ATL2: variants seen among roughly 807,000 people sequenced by gnomAD.
The protein encoded by ATL2 is atlastin GTPase 2.
ATL2 carries 31 observed loss-of-function variants against 73.9 expected under a neutral mutation model. That is an observed-to-expected ratio of 0.42 (90% CI 0.32 to 0.57). The LOEUF (loss-of-function observed/expected upper bound fraction) is 0.57, where lower values mean the gene tolerates loss of function less well. Ranked by LOEUF, ATL2 falls within the 20% of genes least tolerant of loss-of-function variation. The probability of loss-of-function intolerance (pLI) is 0.14; values close to 1 mark genes in which losing one functional copy is unlikely to be tolerated. For missense variants in ATL2, 738 were observed against 702.6 expected, an observed-to-expected ratio of 1.05 and a Z score of -0.57; for synonymous variants, 291 against 237.5, an observed-to-expected ratio of 1.23 and a Z score of -2.07.
At chr2:38,353,834 T>G (rs1007307656) in intron 1 of ATL2, among the ~76,000 whole-genome samples, 2 of 152,124 alleles carry the variant, frequency 1.3e-5, no homozygotes, top group Non-Finnish European at 2.9e-5. Context: ...AAAAGAAGTG[T>G]CAACCTAGAC....
Position 38,295,976 on chromosome 2 carries a change from C to A in ATL2, c.*18G>T, listed in dbSNP as rs1666869341. ...GCATGAAAAAAAAAGAGAGTGGAGT[C>A]CGTGAGGAGATGAACTGTCAGTCTG... On this transcript the variant is annotated 3_prime_UTR_variant, in exon 13 of 13. Transcript: ENST00000378954. 6.6e-7 allele frequency: 1 copy of A among 1,516,708 alleles called. No individual in the cohort carries two copies. The highest frequency in any genetic ancestry group is 1.2e-5 in the South Asian group (1 of 81,748). 94.0% of individuals were successfully genotyped at this position (1,516,708 alleles called of 1,614,324 possible).
chr2:38,294,763 C>G lies in ATL2; in HGVS notation c.*1231G>C, dbSNP rs1399626391. 1 of 151,966 alleles carries G rather than the reference C, an allele frequency of 6.6e-6. No individual in the cohort carries two copies. The highest frequency in any genetic ancestry group is 2.4e-5 in the African/African-American group (1 of 41,358). 9.4% of individuals were successfully genotyped at this position (151,966 alleles called of 1,614,324 possible). On this transcript the variant is annotated 3_prime_UTR_variant, in exon 13 of 13. Transcript: ENST00000378954. ...TTTTTACAAGCTTAGTTTTGAGGTA[C>G]AATGCCTTAGAGCTCTCAACTGGGG...
intron 9 of ATL2, among the ~76,000 whole-genome samples, chr2:38,307,416 T>C (rs1667511256): frequency 6.6e-6 from 1 of 151,050 alleles, no homozygotes; most frequent in South Asian, 2.1e-4. Context: ...GGCGAATTGC[T>C]TGAACCTGGG....
chr2:38,330,320 G>A lies in ATL2; in HGVS notation c.364-11301C>T, dbSNP rs144126993. On this transcript the variant is annotated intron_variant, in intron 2 of 12. Coordinates refer to ENST00000378954, the MANE Select transcript of ATL2 (RefSeq NM_001135673.4). ...AGCTAACATAGTAGTGAGAAACTAG[G>A]TGCTTTCTAGAAACTAGGTTAGAAA... Among the ~76,000 whole-genome samples the A allele has an allele frequency of 3.1e-3, 472 of 151,566 alleles. 3 individuals are homozygous for A. The highest frequency in any genetic ancestry group is 0.011 in the African/African-American group (439 of 41,308).
intron 1 of ATL2, among the ~76,000 whole-genome samples, chr2:38,369,310 C>T (rs748896224): frequency 1.3e-5 from 2 of 151,614 alleles, no homozygotes; most frequent in African/African-American, 4.8e-5. Context: ...ATTAGCTGGG[C>T]GTGGTGGCAC....
intron 1 of ATL2, chr2:38,354,194 C>CAAAAAAAAAAAAAAAAA (rs1208475028): frequency 2.4e-6 from 1 of 414,198 alleles, no homozygotes; most frequent in African/African-American, 3.4e-5. Context: ...CAAAAAAAAG[C>CAAAAAAAAAAAAAAAAA]AAAGAGTATC....
upstream of ATL2, chr2:38,377,412 C>T (rs140560524): frequency 1.1e-5 from 7 of 618,828 alleles, no homozygotes; most frequent in Admixed American, 7.0e-5. Flanking sequence ...CGCCCTCCGC[C>T]TGTATCTCCT....
chr2:38,323,618 A>C (rs1004646270), intron 2 of ATL2, among the ~76,000 whole-genome samples: 1 of 152,304 alleles, frequency 6.6e-6, no homozygotes, highest in African/African-American at 2.4e-5. Flanking sequence ...AGTAAGAAAC[A>C]AATTCATATT....
chr2:38,299,229 CA>C (rs746532258), intron 11 of ATL2, 26 bp downstream of exon 11: 2 of 1,487,418 alleles, frequency 1.3e-6, no homozygotes, highest in Middle Eastern at 1.8e-4. Flanking sequence ...CTCACTCCAG[CA>C]TCAAATTTAA....
chr2:38,316,930 G>GA (rs1323205507), intron 4 of ATL2, among the ~76,000 whole-genome samples: 1 of 151,984 alleles, frequency 6.6e-6, no homozygotes, highest in Non-Finnish European at 1.5e-5. Flanking sequence ...CAAGATCAGA[G>GA]AAAAAAAGAG....
In ATL2 at chr2:38,298,312, G is replaced by T. The variant is rs1190809543; in HGVS notation, c.1464C>A (p.Ile488=). The T allele has an allele frequency of 1.2e-6, 2 of 1,614,192 alleles. No homozygotes were observed. The highest frequency in any genetic ancestry group is 2.2e-5 in the South Asian group (2 of 91,086). ...GGCCAATGAAGCCAGTCAGTCCTGA[G>T]ATTATATACATAGCAAACATGACCG... ...LFAVMFAMYI[I]SGLTGFIGLN... is the part of the protein sequence containing the mutation. The change falls in exon 12 of 13, where the codon ATC becomes ATA. Residue 488 remains isoleucine, a synonymous_variant. Transcript: ENST00000378954.
intron 2 of ATL2, among the ~76,000 whole-genome samples, chr2:38,326,650 T>C (rs932835550): frequency 6.6e-6 from 1 of 152,108 alleles, no homozygotes; most frequent in Non-Finnish European, 1.5e-5. Context: ...CACTTTTACC[T>C]ACAGAGGAAC....
chr2:38,309,485 C>T lies in ATL2; in HGVS notation c.965G>A (p.Arg322Gln), dbSNP rs61754249. 8,057 of 1,611,176 alleles carry T rather than the reference C, an allele frequency of 5.0e-3. 53 individuals are homozygous for T. The highest frequency in any genetic ancestry group is 4.9e-3 in the Non-Finnish European group (5,779 of 1,179,374). The change falls in exon 9 of 13, where the codon CGA becomes CAA. Residue 322 changes from arginine to glutamine, a missense_variant. By Grantham distance (43) the Arg-to-Gln change is conservative. Transcript: ENST00000378954. ...CAATGGAACCAGATTTCGAAGCTCT[C>T]GTTTAAAGTCTTCATCAATATCTAG... ...RLKDIDEDFK[R>Q]ELRNLVPLLL...
rs767408959 is a variant in ATL2 at position 38,298,451 on chromosome 2, C to T, written c.1325G>A (p.Arg442His). The change falls in exon 12 of 13, where the codon CGT (arginine) becomes CAT (histidine). Residue 442 changes from arginine (R) to histidine (H), a missense_variant. Arg to His is a conservative substitution (Grantham distance 29). Coordinates refer to ENST00000378954, the MANE Select transcript of ATL2 (RefSeq NM_001135673.4). ...AGCTTCAAGCTGGTCCTGATAACGA[C>T]GGCAGAACTCATCTCCACCCATCTT... is the stretch of plus-strand genomic sequence containing the variant. Reference protein sequence around the residue: ...VKKMGGDEFCRRYQDQLEAEI... With the variant: ...VKKMGGDEFCHRYQDQLEAEI... The T allele has an allele frequency of 2.0e-5, 33 of 1,614,066 alleles. No homozygotes were observed. The highest frequency in any genetic ancestry group is 1.8e-4 in the Admixed American group (11 of 60,012).
At chr2:38,351,572 C>A (rs914101351) in intron 1 of ATL2, among the ~76,000 whole-genome samples, 1 of 151,446 alleles carries the variant, frequency 6.6e-6, no homozygotes, top group Non-Finnish European at 1.5e-5. Flanking sequence ...CGGCTCACTA[C>A]AACCTCCACC....
intron 2 of ATL2, among the ~76,000 whole-genome samples, chr2:38,339,124 G>C (rs560233306): frequency 6.6e-6 from 1 of 152,152 alleles, no homozygotes; most frequent in East Asian, 1.9e-4. Flanking sequence ...GCTGAGGCGA[G>C]ATAATCGCTT....
At position 38,370,168 on chromosome 2, in the gene ATL2, AAAAG is replaced by A. The variant is rs1296849122; in HGVS notation, c.118+6971_118+6974del. Among the ~76,000 whole-genome samples, 1,126 of 138,378 alleles carry A rather than the reference AAAAG, an allele frequency of 8.1e-3. 29 individuals are homozygous for A. Among genetic ancestry groups the A allele is most frequent in the African/African-American group, 0.033 (1,002 of 30,608 alleles). 90.8% of individuals were successfully genotyped at this position (138,378 alleles called of 152,430 possible). A position where few individuals can be genotyped will look rare whatever the true frequency, so the allele number is the denominator to read the frequency against. ...ACTCCGTCAAAAAAAAAAAAAAAAA[AAAAG>A]AAAGAAAATCAAGACCGGGCGGTCG... On this transcript the variant is annotated intron_variant, in intron 1 of 12. Transcript: ENST00000378954.
intron 1 of ATL2, among the ~76,000 whole-genome samples, chr2:38,357,111 T>C (rs181558418): frequency 4.3e-4 from 66 of 152,044 alleles, no homozygotes; most frequent in Non-Finnish European, 7.2e-4. Flanking sequence ...AGGTGGATCA[T>C]GAGGTCAGGA....
chr2:38,315,177 G>T (rs191041752), intron 5 of ATL2, 107 bp downstream of exon 5: 13 of 1,140,446 alleles, frequency 1.1e-5, no homozygotes, highest in East Asian at 3.6e-5. Context: ...CTTGAACTTG[G>T]GAGGGGGAGG....
Sources: allele counts gnomAD v4.1 joint callset (sites outside exome capture counted in the v4.1 genomes callset), GRCh38; gene constraint gnomAD v4.1.1; transcripts MANE v1.5; gene names NCBI Gene and HGNC (gene_info 2026-07-23, HGNC 2026-07-21).